The following USP36 variants were observed in gnomAD, a reference collection of about 807,000 sequenced individuals.
The protein encoded by USP36 is ubiquitin specific peptidase 36.
Under a neutral mutation model 111.5 loss-of-function variants are expected in USP36, and 59 were observed. The observed-to-expected ratio is 0.53, with a 90% confidence interval of 0.43 to 0.66. The LOEUF is 0.66. Ranked by LOEUF, USP36 falls within the 30% of genes least tolerant of loss-of-function variation. The probability of loss-of-function intolerance (pLI) is 0.00; values close to 1 mark genes in which losing one functional copy is unlikely to be tolerated. For missense variants in USP36, 1,488 were observed against 1,468.0 expected (o/e 1.01, Z -0.22); for synonymous variants, 628 against 581.0 (o/e 1.08, Z -1.16).
At chr17:78,820,105 C>G in intron 8 of USP36, 93 bp from the exon 9 acceptor site, 1 of 1,309,458 alleles carries the variant, frequency 7.6e-7, no homozygotes, top group Non-Finnish European at 1.1e-6. Flanking sequence ...TAGGCTGAGG[C>G]AGCAAATCAC....
chr17:78,831,096 C>T (rs1047223163), intron 4 of USP36, among the ~76,000 whole-genome samples: 4 of 151,388 alleles, frequency 2.6e-5, no homozygotes, highest in Non-Finnish European at 4.4e-5. Flanking sequence ...CATGGTGGCA[C>T]GTGCCTGTAG....
Position 78,812,908 on chromosome 17 carries a change from G to C in USP36, c.1359C>G (p.Ser453=). 1 of 1,613,804 alleles carries C rather than the reference G, an allele frequency of 6.2e-7. No individual in the cohort carries two copies. The highest frequency in any genetic ancestry group is 8.5e-7 in the Non-Finnish European group (1 of 1,179,986). ...TAATCCCATTGCCGATGTTCTTCTTGGAGTGATCTGGAATCACACTCGGGC... is the reference window on the plus strand; with the variant it reads ...TAATCCCATTGCCGATGTTCTTCTTCGAGTGATCTGGAATCACACTCGGGC... The part of the protein sequence containing the change: ...PGRPSVIPDH[S]KKNIGNGIIS... Residue 453 remains serine, a synonymous_variant, in exon 13 of 21, where the codon TCC becomes TCG. Coordinates refer to ENST00000449938, the MANE Select transcript of USP36 (RefSeq NM_001385174.1).
At chr17:78,815,381 T>C (rs2094155405) in intron 10 of USP36, among the ~76,000 whole-genome samples, 1 of 152,124 alleles carries the variant, frequency 6.6e-6, no homozygotes. Context: ...TGCTGAGAAG[T>C]GAGTCTTCTC....
intron 17 of USP36, among the ~76,000 whole-genome samples, chr17:78,800,279 A>G (rs1357228869): frequency 1.3e-5 from 2 of 152,172 alleles, no homozygotes; most frequent in Non-Finnish European, 2.9e-5. Flanking sequence ...TGACACCTGG[A>G]TGGCCACAGG....
At chr17:78,794,445 G>C (rs150350738), downstream of USP36, among the ~76,000 whole-genome samples, 95 of 152,310 alleles carry the variant, frequency 6.2e-4, no homozygotes, top group African/African-American at 2.2e-3. Context: ...ACCCCACGGT[G>C]CTTCAGGCAG....
At chr17:78,829,640 T>G (rs11658299) in intron 4 of USP36, among the ~76,000 whole-genome samples, 1 of 152,030 alleles carries the variant, frequency 6.6e-6, no homozygotes, top group African/African-American at 2.4e-5. Context: ...CAATGGGGTA[T>G]GAACGTGTTC....
chr17:78,829,380 G>A (rs1016223226), intron 4 of USP36, among the ~76,000 whole-genome samples: 7 of 152,160 alleles, frequency 4.6e-5, no homozygotes, highest in African/African-American at 1.4e-4. Flanking sequence ...ATGTATTCTC[G>A]AATTTCTAAG....
intron 12 of USP36, 82 bp from the exon 13 acceptor site, chr17:78,813,083 G>A: frequency 1.3e-6 from 2 of 1,564,060 alleles, no homozygotes; most frequent in Non-Finnish European, 1.7e-6. Context: ...TTAAGGCGGG[G>A]CAAAGGCAGA....
In USP36 at chr17:78,807,003, T is replaced by C. The variant is rs770828514; in HGVS notation, c.2041A>G (p.Met681Val). 1.9e-6 allele frequency: 3 copies of C among 1,614,092 alleles called. No individual in the cohort carries two copies. Among genetic ancestry groups the C allele is most frequent in the East Asian group, 2.2e-5 (1 of 44,890 alleles). The change falls in exon 14 of 21, where the codon ATG (methionine) becomes GTG (valine). Residue 681 changes from methionine to valine, a missense_variant. By Grantham distance (21) the Met-to-Val change is conservative. Around this residue, in one of 3 missense-constraint regions of USP36, gnomAD observed 1,073 missense variants for 994.1 expected, o/e 1.08. Coordinates refer to ENST00000449938, the MANE Select transcript of USP36 (RefSeq NM_001385174.1). ...SNTTTEPAST[M>V]SPPPAKKLAL... ...AGTTTTTTGGCTGGTGGAGGAGACA[T>C]GGTGCTTGCAGGCTCAGTGGTGGTG...
chr17:78,810,759 T>C (rs1018202433), intron 13 of USP36, among the ~76,000 whole-genome samples: 10 of 152,182 alleles, frequency 6.6e-5, no homozygotes, highest in Non-Finnish European at 1.3e-4. Context: ...TGAAAGGCCC[T>C]GACTGCCTGT....
In USP36 at chr17:78,803,814, A is replaced by G. The variant is rs761779528; in HGVS notation, c.2381T>C (p.Leu794Pro). The G allele has an allele frequency of 8.7e-6, 14 of 1,612,494 alleles. No homozygotes were observed. Among genetic ancestry groups the G allele is most frequent in the Admixed American group, 5.0e-5 (3 of 59,972 alleles). Residue 794 changes from leucine to proline, a missense_variant, in exon 16 of 21, where the codon CTT becomes CCT. Around this residue, in one of 3 missense-constraint regions of USP36, gnomAD observed 1,073 missense variants for 994.1 expected, o/e 1.08. Transcript: ENST00000449938. This position sits in a 1 kb window ranked among gnomAD's most constrained non-coding sequence, Gnocchi z 4.6. ...ACTGGCCTCTGGCAACTGGTGTGGAAGAGACACAAGGTCCTCGTTGACCTG... is the reference window on the plus strand; with the variant it reads ...ACTGGCCTCTGGCAACTGGTGTGGAGGAGACACAAGGTCCTCGTTGACCTG... ...LPQVNEDLVS[L>P]PHQLPEASEP...
At chr17:78,823,932 A>G (rs2067301171) in intron 6 of USP36, among the ~76,000 whole-genome samples, 2 of 152,234 alleles carry the variant, frequency 1.3e-5, no homozygotes, top group African/African-American at 4.8e-5. Context: ...CAGTCTATGC[A>G]AAGTGCTTCA....
At chr17:78,834,773 C>T (rs1466344877) in intron 4 of USP36, among the ~76,000 whole-genome samples, 2 of 151,958 alleles carry the variant, frequency 1.3e-5, no homozygotes, top group Non-Finnish European at 2.9e-5. Context: ...GTTGTCCAGG[C>T]TGCACGTTTT....
At chr17:78,836,486 T>G (rs2068682829) in intron 2 of USP36, 114 bp from the exon 3 acceptor site, 1 of 1,360,866 alleles carries the variant, frequency 7.3e-7, no homozygotes, top group East Asian at 2.4e-5. Flanking sequence ...AAAGCTCCCC[T>G]GGATCAGTGA....
At chr17:78,808,460 C>T (rs1030141774) in intron 13 of USP36, among the ~76,000 whole-genome samples, 2 of 152,086 alleles carry the variant, frequency 1.3e-5, no homozygotes, top group African/African-American at 4.8e-5. Flanking sequence ...TATGTTGCCC[C>T]GGCTAGCCTT....
chr17:78,821,792 G>T, intron 7 of USP36, 145 bp downstream of exon 7: 1 of 892,390 alleles, frequency 1.1e-6, no homozygotes, highest in Non-Finnish European at 1.7e-6. Context: ...AAGAGTCTCA[G>T]AGGAAACCAT....
Position 78,803,933 on chromosome 17 carries a change from G to A in USP36, c.2262C>T (p.Pro754=). Residue 754 remains proline, a synonymous_variant, in exon 16 of 21, where the codon CCC becomes CCT. Transcript: ENST00000449938. This position sits in a 1 kb window ranked among gnomAD's most constrained non-coding sequence, Gnocchi z 4.6. ...APQSSSRLQP[P]FSPHPTLLSS... is the part of the protein sequence containing the mutation. ...ACAGCAATGTGGGGTGGGGGCTGAA[G>A]GGGGGTTGCAGGCGGCTGGATGATT... 1 of 1,603,804 alleles carries A rather than the reference G, an allele frequency of 6.2e-7. No individual in the cohort carries two copies. Among genetic ancestry groups the A allele is most frequent in the South Asian group, 1.1e-5 (1 of 90,662 alleles).
intron 12 of USP36, 46 bp from the exon 13 acceptor site, chr17:78,813,047 A>T: frequency 6.2e-7 from 1 of 1,610,230 alleles, no homozygotes. Flanking sequence ...ACTAGGCATT[A>T]CAGAAACGGA....
intron 3 of USP36, among the ~76,000 whole-genome samples, chr17:78,790,540 C>T (rs1360806198): frequency 6.6e-6 from 1 of 152,028 alleles, no homozygotes; most frequent in East Asian, 1.9e-4. Flanking sequence ...ATCTGTCTGC[C>T]GTGGCCTCCC....
Sources: allele counts gnomAD v4.1 joint callset (sites outside exome capture counted in the v4.1 genomes callset), GRCh38; gene constraint gnomAD v4.1.1; regional missense constraint gnomAD v4.1.1; non-coding constraint Gnocchi (gnomAD v3.1); transcripts MANE v1.5; gene names NCBI Gene and HGNC (gene_info 2026-07-23, HGNC 2026-07-21).